NRXN3: variants seen among roughly 807,000 people sequenced by gnomAD.
NRXN3 encodes the protein neurexin III.
NRXN3 carries 32 observed loss-of-function variants against 137.6 expected under a neutral mutation model. That is an observed-to-expected ratio of 0.23 (90% CI 0.18 to 0.31). The LOEUF (loss-of-function observed/expected upper bound fraction) is 0.31. NRXN3 is among the 10% of genes least tolerant of loss of function. NRXN3 has a pLI of 1.00. For synonymous variants in NRXN3, 798 were observed against 784.5 expected (o/e 1.02, Z -0.29); for missense variants, 1,574 against 2,062.5 (o/e 0.76, Z 4.59).
chr14:78,808,860 T>A lies in NRXN3; in HGVS notation c.2249-1458T>A, dbSNP rs141787873. Among the ~76,000 whole-genome samples, 453 of 152,236 alleles carry A rather than the reference T, an allele frequency of 3.0e-3. 1 individual carries two copies. Among genetic ancestry groups the A allele is most frequent in the African/African-American group, 0.011 (438 of 41,542 alleles). The stretch of plus-strand genomic sequence containing the variant: ...ACTTTGGGGAATTCAAATGGTGGCA[T>A]CATCCTTGACAAGTCCTCTAAAAAC... On this transcript the variant is annotated intron_variant, in intron 9 of 20. Coordinates refer to ENST00000335750, the MANE Select transcript of NRXN3 (RefSeq NM_001330195.2).
intron 6 of NRXN3, among the ~76,000 whole-genome samples, chr14:78,691,153 T>C (rs1280169115): frequency 6.6e-6 from 1 of 152,304 alleles, no homozygotes; most frequent in African/African-American, 2.4e-5. Flanking sequence ...ATTGCACAGA[T>C]ATTGCATATT....
chr14:79,513,754 A>G (rs978667077), intron 16 of NRXN3, among the ~76,000 whole-genome samples: 3 of 152,368 alleles, frequency 2.0e-5, no homozygotes, highest in Non-Finnish European at 4.4e-5. Flanking sequence ...GACAGAGGTT[A>G]CTATGGCACT....
At chr14:79,456,304 G>A (rs2096256154) in intron 15 of NRXN3, among the ~76,000 whole-genome samples, 1 of 152,052 alleles carries the variant, frequency 6.6e-6, no homozygotes, top group Non-Finnish European at 1.5e-5. Context: ...AGCACTTACT[G>A]TGCCCCTATG....
chr14:79,026,923 G>GTA (rs138279840), intron 15 of NRXN3, among the ~76,000 whole-genome samples: 3,449 of 135,188 alleles, frequency 0.026, 195 homozygotes, highest in African/African-American at 0.093. Context: ...AGAAAAAAAA[G>GTA]TATATATATA....
At chr14:78,806,062 TCCCC>T (rs1567365307) in intron 9 of NRXN3, among the ~76,000 whole-genome samples, 3 of 138,008 alleles carry the variant, frequency 2.2e-5, no homozygotes, top group African/African-American at 2.6e-5. Flanking sequence ...TTTTTTTTTT[TCCCC>T]TTTGGCTTCT....
At position 78,887,896 on chromosome 14, in the gene NRXN3, A is replaced by C. The variant is rs925023894; in HGVS notation, c.2276-69346A>C. On this transcript the variant is annotated intron_variant, in intron 10 of 20. Transcript: ENST00000335750. ...GGGGTGGCCAGGAGCTCTTCTGCTGAAGTCTCTGTGTATCCAGAATGCCTG... is the reference window on the plus strand; with the variant it reads ...GGGGTGGCCAGGAGCTCTTCTGCTGCAGTCTCTGTGTATCCAGAATGCCTG... Among the ~76,000 whole-genome samples the C allele has an allele frequency of 2.2e-4, 34 of 152,014 alleles. 1 individual carries two copies.
At chr14:79,353,298 G>T (rs2093295417) in intron 15 of NRXN3, among the ~76,000 whole-genome samples, 1 of 151,840 alleles carries the variant, frequency 6.6e-6, no homozygotes, top group South Asian at 2.1e-4. Flanking sequence ...TATGTTTCTG[G>T]AAACTATTCT....
intron 16 of NRXN3, among the ~76,000 whole-genome samples, chr14:79,521,671 C>A (rs1229163655): frequency 6.6e-6 from 1 of 152,162 alleles, no homozygotes; most frequent in Admixed American, 6.6e-5. Flanking sequence ...TTCCTACTTT[C>A]TGTCCTCTTC....
At chr14:78,869,373 C>G (rs2099095780) in intron 10 of NRXN3, among the ~76,000 whole-genome samples, 1 of 152,094 alleles carries the variant, frequency 6.6e-6, no homozygotes, top group South Asian at 2.1e-4. Flanking sequence ...CTCTCAAAAC[C>G]ATCATCCAGA....
At chr14:79,183,255 T>C (rs2075468896) in intron 15 of NRXN3, among the ~76,000 whole-genome samples, 1 of 152,224 alleles carries the variant, frequency 6.6e-6, no homozygotes, top group Non-Finnish European at 1.5e-5. Flanking sequence ...GCAGTAGCTC[T>C]ACTTCCCTAT....
rs536611639 is a variant in NRXN3, at chr14:78,459,012, A to G, written c.757+161152A>G. Among the ~76,000 whole-genome samples, 9 of 152,324 alleles carry G rather than the reference A, an allele frequency of 5.9e-5. No homozygotes were observed. The South Asian group carries it at 1.5e-3, about 25-fold the overall frequency. On this transcript the variant is annotated intron_variant, in intron 4 of 20. Transcript: ENST00000335750. The stretch of plus-strand genomic sequence containing the variant: ...GAAGATGTCCCTTTACCTTTGAGTC[A>G]ATTTGGACTCTACTCCCAGCCCAAG...
chr14:79,829,617 C>T (rs1453835205), intron 20 of NRXN3, among the ~76,000 whole-genome samples: 1 of 152,182 alleles, frequency 6.6e-6, no homozygotes, highest in Non-Finnish European at 1.5e-5. Context: ...TCAATGTGTG[C>T]ACTGCCATAA....
chr14:78,205,637 G>C (rs188013033), intron 1 of NRXN3, among the ~76,000 whole-genome samples: 75 of 152,310 alleles, frequency 4.9e-4, no homozygotes, highest in Admixed American at 3.8e-3. Flanking sequence ...GGGACAGCAG[G>C]GTGCATTAGA....
At chr14:79,564,897 A>G (rs1220298660) in intron 16 of NRXN3, among the ~76,000 whole-genome samples, 3 of 152,094 alleles carry the variant, frequency 2.0e-5, no homozygotes, top group Admixed American at 6.6e-5. Context: ...ATGATGCCAG[A>G]GTCTGATTTT....
At chr14:79,234,508 C>A (rs992407322) in intron 15 of NRXN3, among the ~76,000 whole-genome samples, 3 of 150,380 alleles carry the variant, frequency 2.0e-5, no homozygotes. Context: ...CCTCAGCCTC[C>A]CGAGTATCTG....
chr14:79,237,442 G>A (rs924083624), intron 15 of NRXN3, among the ~76,000 whole-genome samples: 2 of 152,030 alleles, frequency 1.3e-5, no homozygotes, highest in African/African-American at 4.8e-5. Context: ...CCAACAGTGG[G>A]GTGCAGGGTT....
intron 15 of NRXN3, among the ~76,000 whole-genome samples, chr14:79,436,310 T>C (rs1387379020): frequency 1.2e-4 from 18 of 152,228 alleles, no homozygotes; most frequent in Admixed American, 1.2e-3. Context: ...TTTTTCTTGT[T>C]TGATTTGTAA....
At chr14:79,248,076 A>G (rs1193907384) in intron 15 of NRXN3, among the ~76,000 whole-genome samples, 1 of 152,160 alleles carries the variant, frequency 6.6e-6, no homozygotes, top group East Asian at 1.9e-4. Flanking sequence ...TCAAGTGATC[A>G]TTTTGCCTTA....
intron 15 of NRXN3, among the ~76,000 whole-genome samples, chr14:79,127,726 G>A (rs1308190852): frequency 6.6e-6 from 1 of 152,162 alleles, no homozygotes; most frequent in Non-Finnish European, 1.5e-5. Flanking sequence ...GTCATTGGTA[G>A]CTTTATGGGG....
Sources: gnomAD v4.1 joint callset for allele counts (sites outside exome capture counted in the v4.1 genomes callset) on GRCh38, gnomAD v4.1.1 for gene constraint, MANE v1.5 for transcripts, NCBI Gene and HGNC (gene_info 2026-07-23, HGNC 2026-07-21) for gene names.